Variants in CDH20 observed in about 807,000 individuals in gnomAD.
CDH20 encodes cadherin 20, also known as cadherin-20.
Under a neutral mutation model 74.2 loss-of-function variants are expected in CDH20, and 29 were observed. That is an observed-to-expected ratio of 0.39 (90% confidence interval 0.29 to 0.53). The LOEUF is 0.53. Among genes scored for constraint, CDH20 ranks in the 20% least tolerant of loss-of-function variants. The pLI is 0.69. For synonymous variants in CDH20, 469 were observed against 405.4 expected, an observed-to-expected ratio of 1.16 and a Z score of -1.88; for missense variants, 988 against 1,048.3, an observed-to-expected ratio of 0.94 and a Z score of 0.79.
intron 1 of CDH20, among the ~76,000 whole-genome samples, chr18:61,396,171 A>G (rs1911970646): frequency 6.6e-6 from 1 of 152,072 alleles, no homozygotes; most frequent in African/African-American, 2.4e-5. Context: ...GCTATTTCTT[A>G]GAGAGACTAC....
chr18:61,374,255 T>C (rs1001825441), intron 1 of CDH20, among the ~76,000 whole-genome samples: 2 of 152,136 alleles, frequency 1.3e-5, no homozygotes, highest in East Asian at 1.9e-4. Flanking sequence ...TTTCTGAGAG[T>C]AGTGAGTAGG....
At chr18:61,405,710 T>A (rs1490803400) in intron 1 of CDH20, among the ~76,000 whole-genome samples, 1 of 152,214 alleles carries the variant, frequency 6.6e-6, no homozygotes, top group Non-Finnish European at 1.5e-5. Flanking sequence ...ATGTCAGCAG[T>A]ATCATTTGGG....
rs183348439 is a variant in CDH20 at position 61,334,051 on chromosome 18, G to A, written c.-153+224G>A. Among the ~76,000 whole-genome samples the A allele has an allele frequency of 2.0e-3, 312 of 152,292 alleles. 6 individuals are homozygous for A. Among genetic ancestry groups the A allele is most frequent in the South Asian group, 0.014 (68 of 4,832 alleles). ...GTTGGAAATGGGCTGCCGGGACTGG[G>A]GGAGCTGCTCTCTGGAAGCAGGGAA... On this transcript the variant is annotated intron_variant, in intron 1 of 11. Transcript: ENST00000262717.
chr18:61,442,187 G>A (rs1016665089), intron 1 of CDH20, among the ~76,000 whole-genome samples: 16 of 151,840 alleles, frequency 1.1e-4, no homozygotes, highest in African/African-American at 3.1e-4. Flanking sequence ...CTCTCCCTAC[G>A]TAAAAAACTG....
intron 1 of CDH20, among the ~76,000 whole-genome samples, chr18:61,480,685 A>T (rs887324775): frequency 6.6e-6 from 1 of 152,164 alleles, no homozygotes. Flanking sequence ...TAACTTAGAG[A>T]TCTTGGATCC....
chr18:61,366,420 T>A (rs1910862814), intron 1 of CDH20, among the ~76,000 whole-genome samples: 1 of 152,160 alleles, frequency 6.6e-6, no homozygotes, highest in Non-Finnish European at 1.5e-5. Flanking sequence ...GTTACATAGT[T>A]AAGAAAATTT....
At chr18:61,485,976 G>C (rs1910747843) in intron 1 of CDH20, among the ~76,000 whole-genome samples, 1 of 152,188 alleles carries the variant, frequency 6.6e-6, no homozygotes, top group South Asian at 2.1e-4. Context: ...GGGAGGCTGA[G>C]GCAGGAGAAT....
At position 61,539,723 on chromosome 18, in the gene CDH20, C is replaced by G. The variant is rs77707816; in HGVS notation, c.1530+578C>G. ...CAAGTTTATTTTCTATATCTTTCCA[C>G]CTCCCTTTCTTAACTTCTGGCAAGA... On this transcript the variant is annotated intron_variant, in intron 9 of 11. Transcript: ENST00000262717. 3.7e-3 allele frequency among the ~76,000 whole-genome samples: 559 copies of G among 152,292 alleles called. 2 individuals carry two copies. The highest frequency in any genetic ancestry group is 0.013 in the African/African-American group (540 of 41,556).
At chr18:61,477,160 T>A (rs1910417428) in intron 1 of CDH20, among the ~76,000 whole-genome samples, 1 of 152,228 alleles carries the variant, frequency 6.6e-6, no homozygotes, top group South Asian at 2.1e-4. Context: ...AGGTTGCTGC[T>A]GCAGTCTCTA....
intron 1 of CDH20, among the ~76,000 whole-genome samples, chr18:61,368,860 CA>C (rs1296541435): frequency 0.034 from 2,946 of 87,822 alleles, 57 homozygotes; most frequent in African/African-American, 0.097. Flanking sequence ...AGTTCTTTTT[CA>C]AAAAAAAAAA....
chr18:61,338,981 A>T (rs924671907), intron 1 of CDH20, among the ~76,000 whole-genome samples: 1 of 152,206 alleles, frequency 6.6e-6, no homozygotes, highest in Non-Finnish European at 1.5e-5. Context: ...TGAATTTTCA[A>T]GTTAAATAAA....
chr18:61,378,616 T>C (rs2144174263), intron 1 of CDH20, among the ~76,000 whole-genome samples: 1 of 152,248 alleles, frequency 6.6e-6, no homozygotes, highest in East Asian at 1.9e-4. Flanking sequence ...CATGAAGACA[T>C]CCAGAATAAT....
At chr18:61,342,245 A>T (rs1484335242) in intron 1 of CDH20, among the ~76,000 whole-genome samples, 2 of 152,230 alleles carry the variant, frequency 1.3e-5, no homozygotes, top group Admixed American at 6.5e-5. Flanking sequence ...ACAGAGCAAA[A>T]AAATAAATAA....
At chr18:61,544,585 C>G (rs1862792459) in intron 9 of CDH20, among the ~76,000 whole-genome samples, 1 of 152,186 alleles carries the variant, frequency 6.6e-6, no homozygotes. Flanking sequence ...TGGCCAGATT[C>G]TTCTCCAACT....
intron 6 of CDH20, among the ~76,000 whole-genome samples, chr18:61,512,969 T>C (rs904795788): frequency 2.0e-5 from 3 of 152,064 alleles, no homozygotes; most frequent in African/African-American, 7.3e-5. Flanking sequence ...CTGAAAAAAA[T>C]GTATATTCTG....
intron 1 of CDH20, among the ~76,000 whole-genome samples, chr18:61,482,418 A>G (rs1006700049): frequency 1.3e-5 from 2 of 152,134 alleles, no homozygotes; most frequent in Admixed American, 6.5e-5. Context: ...CAAGTGTTAG[A>G]GACTCTGCCT....
At chr18:61,514,376 T>C (rs2144343697) in intron 6 of CDH20, among the ~76,000 whole-genome samples, 1 of 152,338 alleles carries the variant, frequency 6.6e-6, no homozygotes, top group East Asian at 1.9e-4. Context: ...CTTCTCTGTA[T>C]TGGTTATTCT....
At chr18:61,484,720 A>T (rs1375450883) in intron 1 of CDH20, among the ~76,000 whole-genome samples, 2 of 149,966 alleles carry the variant, frequency 1.3e-5, no homozygotes, top group Middle Eastern at 3.4e-3. Flanking sequence ...CTTTCTACCA[A>T]TTTTTTTTGC....
chr18:61,544,980 C>CT, intron 9 of CDH20, 47 bp from the exon 10 acceptor site: 3 of 1,303,484 alleles, frequency 2.3e-6, no homozygotes, highest in Non-Finnish European at 3.3e-6. Flanking sequence ...GGCCCTGGTG[C>CT]TTTTTCCTTT....
Sources: gnomAD v4.1 joint callset for allele counts (sites outside exome capture counted in the v4.1 genomes callset) on GRCh38, gnomAD v4.1.1 for gene constraint, MANE v1.5 for transcripts, NCBI Gene and HGNC (gene_info 2026-07-23, HGNC 2026-07-21) for gene names.